VAV2: variants seen among roughly 807,000 people sequenced by gnomAD.
VAV2 encodes the protein guanine nucleotide exchange factor VAV2.
Under a neutral mutation model 132.5 loss-of-function variants are expected in VAV2, and 67 were observed. The observed-to-expected ratio is 0.51, with a 90% confidence interval of 0.42 to 0.62. The LOEUF is 0.62. Ranked by LOEUF, VAV2 falls within the 20% of genes least tolerant of loss-of-function variation. The pLI, the probability that VAV2 is intolerant of heterozygous loss-of-function variation, is 0.00. For missense variants in VAV2, 938 were observed against 1,153.6 expected (o/e 0.81, Z 2.71); for synonymous variants, 492 against 443.5 (o/e 1.11, Z -1.37).
chr9:133,954,591 G>T (rs893192095), intron 1 of VAV2, among the ~76,000 whole-genome samples: 12 of 152,232 alleles, frequency 7.9e-5, no homozygotes, highest in Non-Finnish European at 1.2e-4. Context: ...TGGCACTGCA[G>T]CCAAGCACTT....
At chr9:133,831,644 A>G (rs746394878) in intron 4 of VAV2, among the ~76,000 whole-genome samples, 25 of 152,182 alleles carry the variant, frequency 1.6e-4, no homozygotes, top group Non-Finnish European at 2.8e-4. Flanking sequence ...CCCTGGCCAC[A>G]TAAGGCCGAT....
At chr9:133,866,146 C>T (rs1837789997) in intron 2 of VAV2, among the ~76,000 whole-genome samples, 1 of 152,306 alleles carries the variant, frequency 6.6e-6, no homozygotes, top group African/African-American at 2.4e-5. Flanking sequence ...GGCCTGGTTC[C>T]AGGCCCCCCA....
At chr9:133,793,814 C>G (rs942738676) in intron 12 of VAV2, among the ~76,000 whole-genome samples, 1 of 152,112 alleles carries the variant, frequency 6.6e-6, no homozygotes, top group Admixed American at 6.5e-5. Context: ...AAGACGCTGC[C>G]GTACAAGGAG....
intron 13 of VAV2, among the ~76,000 whole-genome samples, chr9:133,790,952 C>T (rs1479944513): frequency 6.6e-6 from 1 of 152,132 alleles, no homozygotes; most frequent in African/African-American, 2.4e-5. Context: ...CTGGTAATGT[C>T]CAGAGGCATA....
intron 2 of VAV2, among the ~76,000 whole-genome samples, chr9:133,868,067 C>T (rs1837877286): frequency 6.6e-6 from 1 of 152,246 alleles, no homozygotes; most frequent in African/African-American, 2.4e-5. Flanking sequence ...ACTGGCTTCT[C>T]CAATGATTGT....
At position 133,832,477 on chromosome 9, in the gene VAV2, C is replaced by A. The variant is rs2510236; in HGVS notation, c.449+1795G>T. On this transcript the variant is annotated intron_variant, in intron 4 of 29. Transcript: ENST00000371850. ...TGCCCTCTCTGAGCCTCAGTTTCCTCCCCCCTTACAGGGTTGAGATGGACA... is the reference window on the plus strand; with the variant it reads ...TGCCCTCTCTGAGCCTCAGTTTCCTACCCCCTTACAGGGTTGAGATGGACA... Among the ~76,000 whole-genome samples, 1,412 of 152,360 alleles carry A rather than the reference C, an allele frequency of 9.3e-3. 18 individuals are homozygous for A. Among genetic ancestry groups the A allele is most frequent in the African/African-American group, 0.032 (1,326 of 41,574 alleles).
intron 25 of VAV2, among the ~76,000 whole-genome samples, chr9:133,774,062 A>T (rs530106867): frequency 1.3e-5 from 2 of 152,304 alleles, no homozygotes; most frequent in African/African-American, 4.8e-5. Context: ...GACTGTATTT[A>T]TCTACATAAA....
At chr9:133,813,539 C>T (rs777454131) in intron 4 of VAV2, among the ~76,000 whole-genome samples, 9 of 152,246 alleles carry the variant, frequency 5.9e-5, no homozygotes, top group Admixed American at 1.3e-4. Flanking sequence ...CTGGAGGACA[C>T]GCTGCAATGC....
At chr9:133,887,280 G>A (rs1838750068) in intron 2 of VAV2, among the ~76,000 whole-genome samples, 1 of 152,196 alleles carries the variant, frequency 6.6e-6, no homozygotes, top group Non-Finnish European at 1.5e-5. Context: ...AAGGGGCAGT[G>A]AGGGCCCCAG....
intron 2 of VAV2, among the ~76,000 whole-genome samples, chr9:133,894,488 G>A (rs1258869941): frequency 6.6e-6 from 1 of 152,192 alleles, no homozygotes; most frequent in South Asian, 2.1e-4. Context: ...GAGCCCAAAG[G>A]AGAGGCCCCC....
intron 9 of VAV2, among the ~76,000 whole-genome samples, chr9:133,805,709 C>T (rs1835109404): frequency 6.6e-6 from 1 of 152,250 alleles, no homozygotes; most frequent in Non-Finnish European, 1.5e-5. Context: ...CACCTCTTTT[C>T]ATCCTTGTCC....
chr9:133,778,048 G>T (rs1188923641), intron 22 of VAV2, among the ~76,000 whole-genome samples: 1 of 152,162 alleles, frequency 6.6e-6, no homozygotes, highest in African/African-American at 2.4e-5. Context: ...AGGACTGGGG[G>T]TCTGAGTCCT....
rs1482106215 is a variant in VAV2, at chr9:133,939,135, A to G, written c.289T>C (p.Phe97Leu). ...AAGTCTCGCACATCGAAGAGGTCAA[A>G]GGGGTCAAACAGCTCGCTGTTCCTT... ...GLRNSELFDP[F>L]DLFDVRDFGK... Residue 97 changes from phenylalanine to leucine, a missense_variant, in exon 2 of 30, where the codon TTT becomes CTT. Transcript: ENST00000371850. The G allele has an allele frequency of 9.9e-6, 16 of 1,614,128 alleles. No individual in the cohort carries two copies. The highest frequency in any genetic ancestry group is 8.5e-7 in the Non-Finnish European group (1 of 1,180,042).
Position 133,917,441 on chromosome 9 carries a change from C to CTTTTTTTTTTTTTTTT in VAV2, c.321+21661_321+21662insAAAAAAAAAAAAAAAA, listed in dbSNP as rs56141918. Among the ~76,000 whole-genome samples, 293 of 132,412 alleles carry CTTTTTTTTTTTTTTTT rather than the reference C, an allele frequency of 2.2e-3. 8 individuals carry two copies. Among genetic ancestry groups the CTTTTTTTTTTTTTTTT allele is most frequent in the African/African-American group, 9.1e-3 (276 of 30,250 alleles). The allele number at this position is 132,412 out of a possible 152,430, so 86.9% of individuals were successfully genotyped here. A position where few individuals can be genotyped will look rare whatever the true frequency, so the allele number is the denominator to read the frequency against. ...TCATGAGAAAAACAGAAAACTCTTTCTTTTTTTTTTTTTTTGGCTAGAAGG... is the reference window on the plus strand; with the variant it reads ...TCATGAGAAAAACAGAAAACTCTTTCTTTTTTTTTTTTTTTTTTTTTTTTTTTTTTTGGCTAGAAGG... On this transcript the variant is annotated intron_variant, in intron 2 of 29. Transcript: ENST00000371850.
chr9:133,827,744 C>G (rs867869981), intron 4 of VAV2, among the ~76,000 whole-genome samples: 735 of 6,100 alleles, frequency 0.12, 75 homozygotes, highest in East Asian at 0.34. Context: ...GGCATCACCA[C>G]CTACCGCTGC....
rs1268113676 is a variant in VAV2, at chr9:133,991,495, G to A, written c.204+580C>T. Among the ~76,000 whole-genome samples, 2 of 151,924 alleles carry A rather than the reference G, an allele frequency of 1.3e-5. No homozygotes were observed. Among genetic ancestry groups the A allele is most frequent in the Non-Finnish European group, 2.9e-5 (2 of 67,900 alleles). On this transcript the variant is annotated intron_variant, in intron 1 of 29. Transcript: ENST00000371850. This position sits in a 1 kb window ranked among gnomAD's most constrained non-coding sequence, Gnocchi z 4.8. Reference sequence around the variant, plus strand: ...CGGCTCGACCCGGGAGCCAGGACTGGCGCCAAGTGGCCCGGGTCCGGGTCC... The same window carrying A: ...CGGCTCGACCCGGGAGCCAGGACTGACGCCAAGTGGCCCGGGTCCGGGTCC...
chr9:133,763,387 AG>A lies in VAV2; in HGVS notation c.*674del. ...TTCATCATTCCAAAGGCCCCTCCCAAGAGAGGGGCCTGCCGTGTGGGGTCCG... is the reference window on the plus strand; with the variant it reads ...TTCATCATTCCAAAGGCCCCTCCCAAAGAGGGGCCTGCCGTGTGGGGTCCG... On this transcript the variant is annotated 3_prime_UTR_variant, in exon 30 of 30. Transcript: ENST00000371850. The surrounding 1 kb of genome is among the most constrained non-coding windows in gnomAD (Gnocchi z 6.8). 1 of 152,308 alleles carries A rather than the reference AG, an allele frequency of 6.6e-6. No individual in the cohort carries two copies. The highest frequency in any genetic ancestry group is 6.5e-5 in the Admixed American group (1 of 15,300). 9.4% of individuals were successfully genotyped at this position (152,308 alleles called of 1,614,324 possible).
intron 1 of VAV2, among the ~76,000 whole-genome samples, chr9:133,972,015 C>T (rs1283655628): frequency 1.3e-5 from 2 of 152,192 alleles, no homozygotes; most frequent in Non-Finnish European, 2.9e-5. Context: ...GGGAAGTCTT[C>T]TGCCCCAGGT....
intron 4 of VAV2, among the ~76,000 whole-genome samples, chr9:133,825,411 G>A (rs750022671): frequency 6.6e-6 from 1 of 152,222 alleles, no homozygotes; most frequent in Non-Finnish European, 1.5e-5. Flanking sequence ...GCCTGGGGCC[G>A]GGGGCTGTCT....
Sources: allele counts gnomAD v4.1 joint callset (sites outside exome capture counted in the v4.1 genomes callset), GRCh38; gene constraint gnomAD v4.1.1; non-coding constraint Gnocchi (gnomAD v3.1); transcripts MANE v1.5; gene names NCBI Gene and HGNC (gene_info 2026-07-23, HGNC 2026-07-21).